ITSN2: variants seen among roughly 807,000 people sequenced by gnomAD.
ITSN2 encodes the protein intersectin-2.
In ITSN2, 156 loss-of-function variants were observed where a neutral mutation model predicts 243.7. The observed-to-expected ratio is 0.64, with a 90% CI of 0.56 to 0.73. The LOEUF is 0.73. ITSN2 is among the 30% of genes least tolerant of loss of function. The pLI, the probability that ITSN2 is intolerant of heterozygous loss-of-function variation, is 0.00. For synonymous variants in ITSN2, 703 were observed against 699.9 expected (o/e 1.00, Z -0.07); for missense variants, 1,801 against 1,996.1 (o/e 0.90, Z 1.86).
intron 11 of ITSN2, among the ~76,000 whole-genome samples, chr2:24,300,439 TG>T (rs1681570870): frequency 6.6e-6 from 1 of 152,218 alleles, no homozygotes; most frequent in African/African-American, 2.4e-5. Flanking sequence ...CTTTTTCGGT[TG>T]GGTGTGGTGG....
chr2:24,221,002 AAT>A lies in ITSN2; in HGVS notation c.3640_3641del (p.Ile1214SerfsTer2), dbSNP rs750903871. 2.4e-5 allele frequency: 38 copies of A among 1,610,016 alleles called. No homozygotes were observed. In the East Asian group the frequency reaches 8.5e-4, roughly 36 times the overall value. On this transcript the variant is annotated frameshift_variant, in exon 30 of 40. Coordinates refer to ENST00000355123, the MANE Select transcript of ITSN2 (RefSeq NM_006277.3). LOFTEE classifies it high-confidence loss of function. Reference protein sequence around the residue: ...QPIERKRQGYIHELIQTEERY... With the variant: ...QPIERKRQGYXHELIQTEERY... The stretch of plus-strand genomic sequence containing the variant: ...GCTCTTCGGTCTGAATCAGCTCATG[AAT>A]ATAGCCCTGTCTTTTCCTCTCAATT...
At chr2:24,246,089 T>A (rs962038854) in intron 29 of ITSN2, 40 bp downstream of exon 29, 2 of 1,417,256 alleles carry the variant, frequency 1.4e-6, no homozygotes, top group Admixed American at 3.7e-5. Flanking sequence ...ATATTGAAGT[T>A]TCACACTAGG....
In ITSN2 at chr2:24,252,359, G is replaced by A. The variant is rs1416176440; in HGVS notation, c.3106C>T (p.Pro1036Ser). The A allele has an allele frequency of 6.2e-7, 1 of 1,610,414 alleles. No homozygotes were observed. Among genetic ancestry groups the A allele is most frequent in the Admixed American group, 1.7e-5 (1 of 59,922 alleles). Residue 1036 changes from proline (P) to serine (S), a missense_variant, in exon 25 of 40, where the codon CCA (proline) becomes TCA (serine). Pro to Ser is a moderately conservative substitution (Grantham distance 74). Coordinates refer to ENST00000355123, the MANE Select transcript of ITSN2 (RefSeq NM_006277.3). The part of the protein sequence containing the change: ...SGIFPSNYVK[P>S]KDQESFGSAS... The stretch of plus-strand genomic sequence containing the variant: ...TATCAAAATACCTCTTGATCCTTTG[G>A]TTTGACATAGTTTGATGGAAAAATT...
At chr2:24,276,866 C>A (rs1259497906) in intron 17 of ITSN2, among the ~76,000 whole-genome samples, 1 of 152,148 alleles carries the variant, frequency 6.6e-6, no homozygotes, top group Admixed American at 6.5e-5. Context: ...TTCTGCAGCT[C>A]ATTAAACTGG....
chr2:24,338,638 C>T (rs2151896114), intron 1 of ITSN2, among the ~76,000 whole-genome samples: 1 of 152,232 alleles, frequency 6.6e-6, no homozygotes, highest in South Asian at 2.1e-4. Flanking sequence ...TCCACCTATG[C>T]ATTCATTCAT....
At chr2:24,271,978 A>C in intron 18 of ITSN2, 37 bp from the exon 19 acceptor site, 2 of 1,419,564 alleles carry the variant, frequency 1.4e-6, no homozygotes, top group Non-Finnish European at 1.9e-6. Flanking sequence ...ATAATGTCCT[A>C]GAAATTTTTT....
intron 23 of ITSN2, among the ~76,000 whole-genome samples, chr2:24,255,195 T>C (rs1277029155): frequency 6.6e-6 from 1 of 152,236 alleles, no homozygotes; most frequent in Non-Finnish European, 1.5e-5. Context: ...TGTTTTTGCT[T>C]AAGTTTTCTT....
At chr2:24,276,110 A>G (rs1324952598) in intron 17 of ITSN2, among the ~76,000 whole-genome samples, 1 of 152,196 alleles carries the variant, frequency 6.6e-6, no homozygotes, top group East Asian at 1.9e-4. Context: ...TAACAAGCCG[A>G]TGCTTTGATT....
At position 24,313,551 on chromosome 2, in the gene ITSN2, C is replaced by A. The variant is rs748357402; in HGVS notation, c.125-28G>T. The A allele has an allele frequency of 4.6e-5, 71 of 1,549,458 alleles. No individual in the cohort carries two copies. In the East Asian group the frequency reaches 1.5e-3, roughly 32 times the overall value. On this transcript the variant is annotated intron_variant, in intron 3 of 39. Coordinates refer to ENST00000355123, the MANE Select transcript of ITSN2 (RefSeq NM_006277.3). ...GGAGGTAATAAAAACAAAACCCAAG[C>A]AGCACATTAGTAAATGAAATTATTC...
At chr2:24,348,335 CA>C (rs1382908607) in intron 1 of ITSN2, among the ~76,000 whole-genome samples, 1 of 151,538 alleles carries the variant, frequency 6.6e-6, no homozygotes, top group African/African-American at 2.4e-5. Flanking sequence ...CCACCATGCC[CA>C]ACTAATTTTT....
Position 24,312,359 on chromosome 2 carries a change from T to G in ITSN2, c.205A>C (p.Asn69His). 1 of 1,610,744 alleles carries G rather than the reference T, an allele frequency of 6.2e-7. No homozygotes were observed. Among genetic ancestry groups the G allele is most frequent in the Non-Finnish European group, 8.5e-7 (1 of 1,178,208 alleles). The change falls in exon 5 of 40, where the codon AAC becomes CAC. Residue 69 changes from asparagine (N) to histidine (H), a missense_variant. Coordinates refer to ENST00000355123, the MANE Select transcript of ITSN2 (RefSeq NM_006277.3). ...LAEIWALSDL[N>H]KDGKMDQQEF... Reference sequence around the variant, plus strand: ...TGCTGATCCATCTTCCCATCCTTGTTTAGGTCTGATAAAGCCCTAAAAGGA... The same window carrying G: ...TGCTGATCCATCTTCCCATCCTTGTGTAGGTCTGATAAAGCCCTAAAAGGA...
At chr2:24,284,697 T>A (rs905923213) in intron 17 of ITSN2, 66 bp downstream of exon 17, 6 of 900,458 alleles carry the variant, frequency 6.7e-6, no homozygotes, top group Non-Finnish European at 9.2e-6. Context: ...CAAAGAATAG[T>A]CTAGTTTTAA....
intron 24 of ITSN2, among the ~76,000 whole-genome samples, chr2:24,253,313 T>G (rs1674595125): frequency 8.3e-6 from 1 of 120,308 alleles, no homozygotes; most frequent in East Asian, 2.4e-4. Context: ...ACTCAATTAA[T>G]TTAACAAAAT....
rs41281489 is a variant in ITSN2 at position 24,261,662 on chromosome 2, A to G, written c.2436T>C (p.Tyr812=). The change falls in exon 21 of 40, where the codon TAT becomes TAC. Residue 812 remains tyrosine, a synonymous_variant. Transcript: ENST00000355123. ...TTTCACTTGATGGCATTTTTTCTAC[A>G]TAATTGCATGGAAACCAGCCAAAAT... is the stretch of plus-strand genomic sequence containing the variant. ...QGNFGWFPCN[Y]VEKMPSSENE... The G allele has an allele frequency of 0.015, 23,882 of 1,613,402 alleles. 253 individuals carry two copies. Among genetic ancestry groups the G allele is most frequent in the South Asian group, 0.03 (2,691 of 91,036 alleles).
Position 24,270,788 on chromosome 2 carries a change from C to A in ITSN2, c.2258-20G>T. On this transcript the variant is annotated intron_variant, in intron 19 of 39. Coordinates refer to ENST00000355123, the MANE Select transcript of ITSN2 (RefSeq NM_006277.3). ...TCTCACCTAAAGAGAAGACAATTGT[C>A]ATTATTTGCAACTTACATGTATACA... 2 of 1,310,742 alleles carry A rather than the reference C, an allele frequency of 1.5e-6. No homozygotes were observed. The highest frequency in any genetic ancestry group is 2.5e-5 in the South Asian group (2 of 80,080). 81.2% of individuals were successfully genotyped at this position (1,310,742 alleles called of 1,614,324 possible). A position where few individuals can be genotyped will look rare whatever the true frequency, so the allele number is the denominator to read the frequency against.
intron 1 of ITSN2, among the ~76,000 whole-genome samples, chr2:24,350,265 T>A (rs1687908950): frequency 6.6e-6 from 1 of 152,184 alleles, no homozygotes; most frequent in South Asian, 2.1e-4. Flanking sequence ...TGAGGAAGCA[T>A]TAATCTAAGC....
chr2:24,353,212 A>G (rs1487839261), intron 1 of ITSN2, among the ~76,000 whole-genome samples: 1 of 152,252 alleles, frequency 6.6e-6, no homozygotes, highest in East Asian at 1.9e-4. Flanking sequence ...TAAAATAGAT[A>G]ACGAAAACAC....
intron 28 of ITSN2, 29 bp from the exon 29 acceptor site, chr2:24,246,349 TAAAC>T (rs748331835): frequency 4.4e-6 from 6 of 1,366,620 alleles, no homozygotes; most frequent in Non-Finnish European, 6.2e-6. Flanking sequence ...AATAACACAT[TAAAC>T]AAATTAATTA....
intron 3 of ITSN2, among the ~76,000 whole-genome samples, 168 bp from the exon 4 acceptor site, chr2:24,313,691 A>C (rs1359408093): frequency 6.6e-6 from 1 of 152,250 alleles, no homozygotes; most frequent in East Asian, 1.9e-4. Flanking sequence ...AACTTTAATA[A>C]GACAGATATT....
Sources: allele counts gnomAD v4.1 joint callset (sites outside exome capture counted in the v4.1 genomes callset), GRCh38; gene constraint gnomAD v4.1.1; transcripts MANE v1.5; gene names NCBI Gene and HGNC (gene_info 2026-07-23, HGNC 2026-07-21).